DNAH5: variants seen among roughly 807,000 people sequenced by gnomAD.
DNAH5 encodes dynein axonemal heavy chain 5.
DNAH5 carries 372 observed loss-of-function variants against 518.2 expected under a neutral mutation model. The observed-to-expected ratio is 0.72, with a 90% confidence interval of 0.66 to 0.78. The LOEUF is 0.78. DNAH5 is among the 30% of genes least tolerant of loss of function. The pLI, the probability that DNAH5 is intolerant of heterozygous loss-of-function variation, is 0.00. For synonymous variants in DNAH5, 2,039 were observed against 2,025.9 expected, an observed-to-expected ratio of 1.01 and a Z score of -0.17; for missense variants, 5,523 against 5,687.0, an observed-to-expected ratio of 0.97 and a Z score of 0.93.
At chr5:13,709,467 T>TA (rs1400259981) in intron 75 of DNAH5, among the ~76,000 whole-genome samples, 1 of 152,054 alleles carries the variant, frequency 6.6e-6, no homozygotes, top group Admixed American at 6.6e-5. Context: ...ATTGAAGATT[T>TA]AAAAAAATAC....
intron 59 of DNAH5, among the ~76,000 whole-genome samples, chr5:13,764,300 A>G (rs1424602108): frequency 6.6e-6 from 1 of 152,230 alleles, no homozygotes; most frequent in East Asian, 1.9e-4. Flanking sequence ...ATCAAAAGAC[A>G]CCATTAATCG....
At position 13,714,395 on chromosome 5, in the gene DNAH5, A is replaced by T. The variant is rs2277047; in HGVS notation, c.13125+10T>A. The T allele has an allele frequency of 5.8e-4, 936 of 1,609,566 alleles. 9 individuals carry two copies. The East Asian group carries it at 0.019, about 32-fold the overall frequency. ...CCAGCTGACATTTTGTCAGGATTTC[A>T]TCAACTCACTTCAAAGGGGACATAG... On this transcript the variant is annotated intron_variant, in intron 75 of 78. Transcript: ENST00000265104.
chr5:13,986,186 C>T lies in DNAH5; in HGVS notation c.12+25462G>A, dbSNP rs2025086738. ...GATGAGGGGAAATGCATTGCGGCTCCAAGAGGAATCGCTGGGGAGTGAATA... is the reference window on the plus strand; with the variant it reads ...GATGAGGGGAAATGCATTGCGGCTCTAAGAGGAATCGCTGGGGAGTGAATA... On this transcript the variant is annotated intron_variant, in intron 1 of 78. Transcript: ENST00000681290. 2.6e-5 allele frequency among the ~76,000 whole-genome samples: 4 copies of T among 152,146 alleles called. 1 individual carries two copies. The highest frequency in any genetic ancestry group is 1.3e-4 in the Admixed American group (2 of 15,286).
intron 12 of DNAH5, among the ~76,000 whole-genome samples, chr5:13,909,330 T>G (rs1775709217): frequency 6.6e-6 from 1 of 152,146 alleles, no homozygotes; most frequent in Non-Finnish European, 1.5e-5. Context: ...AGTACAATTT[T>G]TAACAATATA....
intron 39 of DNAH5, 138 bp downstream of exon 39, chr5:13,824,061 G>A (rs965304367): frequency 1.1e-4 from 95 of 900,624 alleles, no homozygotes; most frequent in Non-Finnish European, 1.6e-4. Context: ...ATAATTTAAA[G>A]TGATGCTCTC....
chr5:13,715,545 C>T (rs1744178619), intron 74 of DNAH5, among the ~76,000 whole-genome samples: 1 of 152,162 alleles, frequency 6.6e-6, no homozygotes, highest in Non-Finnish European at 1.5e-5. Flanking sequence ...AAACTCATTA[C>T]ATTTGTATAT....
intron 12 of DNAH5, among the ~76,000 whole-genome samples, chr5:13,905,788 G>T (rs1279315899): frequency 2.6e-5 from 4 of 151,442 alleles, no homozygotes; most frequent in African/African-American, 7.3e-5. Flanking sequence ...AATCAAAGAA[G>T]TTAAAAACTT....
upstream of DNAH5, among the ~76,000 whole-genome samples, chr5:13,949,434 C>T (rs1469700050): frequency 6.6e-6 from 1 of 152,140 alleles, no homozygotes; most frequent in Non-Finnish European, 1.5e-5. Context: ...GATAGTGATT[C>T]TAAGAGCTTC....
rs1740640214 is a variant in DNAH5 at position 13,690,967 on chromosome 5, G to C, written c.*1017C>G. The stretch of plus-strand genomic sequence containing the variant: ...TTGTCCACATGCAAATATATTTGCT[G>C]TTATAATCACAGTGTGCTCAATATT... On this transcript the variant is annotated 3_prime_UTR_variant, in exon 79 of 79. Transcript: ENST00000265104. 1 of 151,904 alleles carries C rather than the reference G, an allele frequency of 6.6e-6. No individual in the cohort carries two copies. Among genetic ancestry groups the C allele is most frequent in the Admixed American group, 6.6e-5 (1 of 15,254 alleles). 9.4% of individuals were successfully genotyped at this position (151,904 alleles called of 1,614,324 possible).
At chr5:13,938,188 C>T (rs931461119) in intron 1 of DNAH5, among the ~76,000 whole-genome samples, 1 of 152,108 alleles carries the variant, frequency 6.6e-6, no homozygotes, top group Admixed American at 6.6e-5. Context: ...ATCATCTGCT[C>T]CCGGCACCCA....
intron 7 of DNAH5, among the ~76,000 whole-genome samples, chr5:13,917,658 T>C (rs1435006962): frequency 6.6e-6 from 1 of 152,188 alleles, no homozygotes; most frequent in Non-Finnish European, 1.5e-5. Flanking sequence ...AATGTAGTAA[T>C]TGTTTATTAT....
intron 47 of DNAH5, among the ~76,000 whole-genome samples, chr5:13,797,618 A>AG (rs1758029222): frequency 6.6e-6 from 1 of 152,228 alleles, no homozygotes; most frequent in Non-Finnish European, 1.5e-5. Context: ...AGTGTAAATT[A>AG]GTTCAACCAT....
At chr5:13,919,549 T>C in intron 6 of DNAH5, 197 bp from the exon 7 acceptor site, 1 of 607,666 alleles carries the variant, frequency 1.6e-6, no homozygotes, top group Non-Finnish European at 2.7e-6. Context: ...TCTCTTTGAA[T>C]TGTTTTAACT....
intron 55 of DNAH5, among the ~76,000 whole-genome samples, chr5:13,771,602 C>G (rs986874723): frequency 6.6e-6 from 1 of 152,198 alleles, no homozygotes; most frequent in African/African-American, 2.4e-5. Flanking sequence ...AATTCTAAGA[C>G]AGCCTTCCCT....
At chr5:13,788,351 T>C (rs1386387664) in intron 51 of DNAH5, among the ~76,000 whole-genome samples, 1 of 152,174 alleles carries the variant, frequency 6.6e-6, no homozygotes, top group Non-Finnish European at 1.5e-5. Flanking sequence ...ATACTTTCAT[T>C]TTTATGAATG....
intron 24 of DNAH5, among the ~76,000 whole-genome samples, chr5:13,869,757 G>T (rs1391735447): frequency 6.6e-6 from 1 of 151,946 alleles, no homozygotes; most frequent in African/African-American, 2.4e-5. Context: ...CAATCGTTTT[G>T]TGTTTTCTAA....
At chr5:13,786,147 C>T (rs1461335008) in intron 52 of DNAH5, 32 bp downstream of exon 52, 1 of 1,611,526 alleles carries the variant, frequency 6.2e-7, no homozygotes, top group Non-Finnish European at 8.5e-7. Flanking sequence ...TCTGTCACCT[C>T]CACAAGGCAC....
chr5:13,926,496 C>G (rs978093102), intron 3 of DNAH5, among the ~76,000 whole-genome samples: 1 of 152,172 alleles, frequency 6.6e-6, no homozygotes, highest in Admixed American at 6.5e-5. Flanking sequence ...TCCCTCTTCT[C>G]CTACTGAGAA....
In DNAH5 at chr5:13,850,630, T is replaced by A. The variant is rs4701988; in HGVS notation, c.5114+22A>T. Reference sequence around the variant, plus strand: ...TTTTGTCTCAAGGATACCGAGAGCTTTCAAAGAGCCAGTGAACTTACCCAG... The same window carrying A: ...TTTTGTCTCAAGGATACCGAGAGCTATCAAAGAGCCAGTGAACTTACCCAG... On this transcript the variant is annotated intron_variant, in intron 31 of 78. Transcript: ENST00000265104. 619,363 of 1,608,968 alleles carry A rather than the reference T, an allele frequency of 0.38. 122,568 individuals are homozygous for A. The highest frequency in any genetic ancestry group is 0.58 in the East Asian group (26,137 of 44,820).
Sources: gnomAD v4.1 joint callset for allele counts (sites outside exome capture counted in the v4.1 genomes callset) on GRCh38, gnomAD v4.1.1 for gene constraint, MANE v1.5 for transcripts, NCBI Gene and HGNC (gene_info 2026-07-23, HGNC 2026-07-21) for gene names.